The following IK variants were observed in gnomAD, a reference collection of about 807,000 sequenced individuals.
The protein encoded by IK is protein Red.
Under a neutral mutation model 90.9 loss-of-function variants are expected in IK, and 47 were observed. The ratio of observed to expected loss-of-function variants is 0.52; its 90% CI spans 0.41 to 0.66. The LOEUF is 0.66. Ranked by LOEUF, IK falls within the 30% of genes least tolerant of loss-of-function variation. IK has a pLI of 0.00. For missense variants in IK, 385 were observed against 709.3 expected, an observed-to-expected ratio of 0.54 and a Z score of 5.19; for synonymous variants, 201 against 227.5, an observed-to-expected ratio of 0.88 and a Z score of 1.05.
In IK at chr5:140,652,148, G is replaced by C; in HGVS notation, c.236+1G>C. The C allele has an allele frequency of 1.2e-6, 2 of 1,611,448 alleles. No homozygotes were observed. The highest frequency in any genetic ancestry group is 1.7e-6 in the Non-Finnish European group (2 of 1,177,584). Reference sequence around the variant, plus strand: ...CTGCACGAAGGAGGAAAAAGAAAAGGTGAAGGAAGGGTGAAGGGTTTTAGA... The same window carrying C: ...CTGCACGAAGGAGGAAAAAGAAAAGCTGAAGGAAGGGTGAAGGGTTTTAGA... On this transcript the variant is annotated splice_donor_variant, in intron 4 of 19. Transcript: ENST00000417647. LOFTEE classifies it high-confidence loss of function.
At chr5:140,654,083 ACT>A in intron 6 of IK, 31 bp downstream of exon 6, 1 of 1,258,970 alleles carries the variant, frequency 7.9e-7, no homozygotes, top group Non-Finnish European at 1.2e-6. Context: ...GGGGAGTAAT[ACT>A]GTCGTGCTGA....
chr5:140,650,074 A>T lies in IK; in HGVS notation c.83+1537A>T, dbSNP rs564877462. On this transcript the variant is annotated intron_variant, in intron 2 of 19. Coordinates refer to ENST00000417647, the MANE Select transcript of IK (RefSeq NM_006083.4). ...CCAAAGAGTCCCATTTTTCAGCAGG[A>T]CTCATCCGTGGCCTGCTGAGCACAG... Among the ~76,000 whole-genome samples the T allele has an allele frequency of 5.7e-4, 86 of 152,190 alleles. 1 individual carries two copies. In the South Asian group the frequency reaches 0.018, roughly 32 times the overall value.
intron 9 of IK, among the ~76,000 whole-genome samples, chr5:140,656,717 A>T (rs1344321837): frequency 6.6e-6 from 1 of 152,234 alleles, no homozygotes; most frequent in African/African-American, 2.4e-5. Context: ...TAATCACATC[A>T]TGGAAAATGG....
At position 140,661,867 on chromosome 5, in the gene IK, C is replaced by G. The variant is rs775955186; in HGVS notation, c.1503-32C>G. ...AAACCTCGCCACTGCTATGCAATCT[C>G]TGATGCATTCTTTCCCAACTGCTTT... On this transcript the variant is annotated intron_variant, in intron 17 of 19. Transcript: ENST00000417647. The surrounding 1 kb of genome is among the most constrained non-coding windows in gnomAD (Gnocchi z 4.2). 145 of 1,558,764 alleles carry G rather than the reference C, an allele frequency of 9.3e-5. No individual in the cohort carries two copies. The highest frequency in any genetic ancestry group is 1.2e-4 in the Non-Finnish European group (142 of 1,142,862).
In IK at chr5:140,647,923, T is replaced by G; in HGVS notation, c.15T>G (p.Asp5Glu). The change falls in exon 1 of 20, where the codon GAT becomes GAG. Residue 5 changes from aspartate (D) to glutamate (E), a missense_variant and splice_region_variant. Physicochemically the swap from Asp to Glu is conservative, Grantham distance 45. This residue lies in a region of IK where 42 missense variants were observed against 37.9 expected (regional missense o/e 1.11). Transcript: ENST00000417647. MPER[D>E]SEPFSNPLAP... is the part of the protein sequence containing the mutation. ...ACGATAACAAAATGCCGGAGCGAGA[T>G]AGTAAGGCTCAGGCCATCCGTTATT... 6.2e-7 allele frequency: 1 copy of G among 1,613,852 alleles called. No homozygotes were observed. Among genetic ancestry groups the G allele is most frequent in the African/African-American group, 1.3e-5 (1 of 74,992 alleles).
intron 10 of IK, among the ~76,000 whole-genome samples, chr5:140,658,031 G>A (rs560483338): frequency 1.3e-5 from 2 of 152,044 alleles, no homozygotes; most frequent in African/African-American, 2.4e-5. Context: ...ACGGAGTCTC[G>A]CTCTGTCACC....
chr5:140,656,139 C>T (rs186534368), intron 9 of IK, 147 bp downstream of exon 9: 135 of 690,940 alleles, frequency 2.0e-4, no homozygotes, highest in Admixed American at 1.6e-3. Flanking sequence ...TTCACTTTTC[C>T]ACTTTTTCAC....
intron 14 of IK, 67 bp from the exon 15 acceptor site, chr5:140,660,048 C>T (rs1757775016): frequency 2.1e-6 from 3 of 1,409,984 alleles, no homozygotes; most frequent in Non-Finnish European, 9.9e-7. Flanking sequence ...GCCCTTGGCC[C>T]CCTCCTGGCT....
intron 14 of IK, 123 bp from the exon 15 acceptor site, chr5:140,659,992 C>T (rs1757774372): frequency 2.1e-6 from 2 of 944,916 alleles, no homozygotes. Flanking sequence ...CCAGAGCACC[C>T]ATAACAGCTC....
chr5:140,648,238 T>G lies in IK; in HGVS notation c.17-233T>G, dbSNP rs775219898. 194 of 704,286 alleles carry G rather than the reference T, an allele frequency of 2.8e-4. No homozygotes were observed. Among genetic ancestry groups the G allele is most frequent in the Non-Finnish European group, 6.5e-5 (25 of 386,362 alleles). The allele number at this position is 704,286 out of a possible 1,614,324, so 43.6% of individuals were successfully genotyped here. A position where few individuals can be genotyped will look rare whatever the true frequency, so the allele number is the denominator to read the frequency against. On this transcript the variant is annotated intron_variant, in intron 1 of 19. Transcript: ENST00000417647. ...GCGCGTATTTATCTTTTACGTAGTA[T>G]TTTAGACGTGATCTTCCGGAAGTCT...
intron 9 of IK, 49 bp downstream of exon 9, chr5:140,656,041 G>C (rs1403014847): frequency 3.9e-6 from 6 of 1,533,766 alleles, no homozygotes; most frequent in Non-Finnish European, 5.3e-6. Context: ...TCAAGCCTGG[G>C]AATCAGCCTG....
rs2149808109 is a variant in IK at position 140,659,297 on chromosome 5, A to G, written c.1177-18A>G. On this transcript the variant is annotated intron_variant, in intron 12 of 19. Transcript: ENST00000417647. The stretch of plus-strand genomic sequence containing the variant: ...TCTCTCATGGTAACACTAACTTCAC[A>G]TTTTGTGTTCTTTCCAGCCCATGGA... 1 of 1,613,906 alleles carries G rather than the reference A, an allele frequency of 6.2e-7. No homozygotes were observed. Among genetic ancestry groups the G allele is most frequent in the Non-Finnish European group, 8.5e-7 (1 of 1,179,856 alleles).
Position 140,659,312 on chromosome 5 carries a change from C to T in IK, c.1177-3C>T. 1 of 1,613,904 alleles carries T rather than the reference C, an allele frequency of 6.2e-7. No individual in the cohort carries two copies. The highest frequency in any genetic ancestry group is 1.3e-5 in the African/African-American group (1 of 75,016). ...CTAACTTCACATTTTGTGTTCTTTC[C>T]AGCCCATGGACGTTGACAAAGGTGA... On this transcript the variant is annotated splice_region_variant and splice_polypyrimidine_tract_variant and intron_variant, in intron 12 of 19. Transcript: ENST00000417647.
chr5:140,648,870 T>C, intron 2 of IK: 1 of 294,714 alleles, frequency 3.4e-6, no homozygotes. Context: ...TGAGTTTCGC[T>C]CTTGTTGCTC....
chr5:140,654,148 A>ACCTCCT (rs1757667132), intron 6 of IK, 96 bp downstream of exon 6: 2 of 741,682 alleles, frequency 2.7e-6, no homozygotes, highest in Admixed American at 4.4e-5. Flanking sequence ...GAGAGTTCAG[A>ACCTCCT]CTGAGTAGAA....
Position 140,659,169 on chromosome 5 carries a change from G to A in IK, c.1176+5G>A, listed in dbSNP as rs1410944547. ...AAGCCAAAAGTAGATGATGAGGTGA[G>A]ATGTGGGCCCTTAGTACCAGGTGAT... On this transcript the variant is annotated splice_donor_5th_base_variant and intron_variant, in intron 12 of 19. Coordinates refer to ENST00000417647, the MANE Select transcript of IK (RefSeq NM_006083.4). 1.3e-6 allele frequency: 2 copies of A among 1,588,986 alleles called. No individual in the cohort carries two copies. Among genetic ancestry groups the A allele is most frequent in the Middle Eastern group, 1.6e-4 (1 of 6,062 alleles).
In IK at chr5:140,651,646, A is replaced by G. The variant is rs1016656539; in HGVS notation, c.84-68A>G. 6.3e-6 allele frequency: 5 copies of G among 796,486 alleles called. No homozygotes were observed. The Admixed American group carries it at 9.4e-5, about 15-fold the overall frequency. The allele number at this position is 796,486 out of a possible 1,614,324, so 49.3% of individuals were successfully genotyped here. On this transcript the variant is annotated intron_variant, in intron 2 of 19. Transcript: ENST00000417647. ...CCTGATTTCTGTTAATTTAATCATG[A>G]TTTTTACTTGTTCCTTTTTCATTTC...
intron 2 of IK, among the ~76,000 whole-genome samples, 188 bp downstream of exon 2, chr5:140,648,725 G>T (rs896864524): frequency 1.3e-5 from 2 of 148,628 alleles, no homozygotes; most frequent in Admixed American, 1.3e-4. Context: ...GGAAATTCCT[G>T]CAGGAAAGGT....
Position 140,659,098 on chromosome 5 carries a change from G to A in IK, c.1110G>A (p.Arg370=), listed in dbSNP as rs1251081436. Residue 370 remains arginine, a synonymous_variant, in exon 12 of 20, where the codon CGG becomes CGA. Transcript: ENST00000417647. ...GAGATCGGGAACGAGAGCGAGAGCG[G>A]GACCGAGAGAGAGAAGAGGAAAAGA... ...RERDRERERE[R]DREREEEKKR... 1.2e-6 allele frequency: 2 copies of A among 1,611,902 alleles called. No individual in the cohort carries two copies. Among genetic ancestry groups the A allele is most frequent in the Non-Finnish European group, 1.7e-6 (2 of 1,178,880 alleles).
Sources: allele counts gnomAD v4.1 joint callset (sites outside exome capture counted in the v4.1 genomes callset), GRCh38; gene constraint gnomAD v4.1.1; regional missense constraint gnomAD v4.1.1; non-coding constraint Gnocchi (gnomAD v3.1); transcripts MANE v1.5; gene names NCBI Gene and HGNC (gene_info 2026-07-23, HGNC 2026-07-21).